Variants in TAX1BP1 observed in about 807,000 individuals in gnomAD.
The protein encoded by TAX1BP1 is Tax1 binding protein 1.
TAX1BP1 carries 62 observed loss-of-function variants against 97.7 expected under a neutral mutation model. That is an observed-to-expected ratio of 0.63 (90% CI 0.52 to 0.78). TAX1BP1 has a LOEUF of 0.78. Among genes scored for constraint, TAX1BP1 ranks in the 30% least tolerant of loss-of-function variants. TAX1BP1 has a pLI of 0.00. For missense variants in TAX1BP1, 867 were observed against 916.1 expected, an observed-to-expected ratio of 0.95 and a Z score of 0.69; for synonymous variants, 340 against 304.2, an observed-to-expected ratio of 1.12 and a Z score of -1.23.
At chr7:27,797,007 T>A (rs934110632) in intron 12 of TAX1BP1, among the ~76,000 whole-genome samples, 17 of 151,674 alleles carry the variant, frequency 1.1e-4, no homozygotes, top group Admixed American at 3.3e-4. Flanking sequence ...TTATTTTATT[T>A]TTTTTTTTGA....
intron 13 of TAX1BP1, among the ~76,000 whole-genome samples, chr7:27,809,349 C>A (rs1790464569): frequency 2.0e-5 from 3 of 152,102 alleles, no homozygotes; most frequent in Admixed American, 6.5e-5. Context: ...GGTACCACAA[C>A]CATTACTGTG....
chr7:27,813,258 G>T (rs1790631383), intron 13 of TAX1BP1, among the ~76,000 whole-genome samples: 1 of 150,016 alleles, frequency 6.7e-6, no homozygotes, highest in African/African-American at 2.4e-5. Context: ...CTCTTGGGCT[G>T]AAGTGATCCT....
chr7:27,791,058 T>A (rs1159321926), intron 8 of TAX1BP1, among the ~76,000 whole-genome samples: 1 of 152,146 alleles, frequency 6.6e-6, no homozygotes, highest in Non-Finnish European at 1.5e-5. Context: ...ATTATACCTT[T>A]CTTGAATATA....
chr7:27,767,480 T>C (rs577334678), intron 4 of TAX1BP1, among the ~76,000 whole-genome samples: 3 of 152,210 alleles, frequency 2.0e-5, no homozygotes, highest in African/African-American at 4.8e-5. Context: ...TATCTTTCCT[T>C]CCCCTTTACA....
At chr7:27,762,791 ATACCCCCAAAAT>A (rs997305290) in intron 3 of TAX1BP1, among the ~76,000 whole-genome samples, 1 of 152,118 alleles carries the variant, frequency 6.6e-6, no homozygotes, top group African/African-American at 2.4e-5. Context: ...TCTACAAAAA[ATACCCCCAAAAT>A]TAGCCAGGCA....
At chr7:27,817,569 A>C (rs1790825852) in intron 15 of TAX1BP1, among the ~76,000 whole-genome samples, 2 of 152,190 alleles carry the variant, frequency 1.3e-5, no homozygotes, top group Admixed American at 1.3e-4. Context: ...AGATGTCTTT[A>C]GTATTTAGGT....
At chr7:27,785,538 AC>A in intron 7 of TAX1BP1, 49 bp downstream of exon 7, 1 of 1,501,564 alleles carries the variant, frequency 6.7e-7, no homozygotes, top group Non-Finnish European at 9.1e-7. Context: ...AAAAGAAATG[AC>A]CCCAGAACTT....
intron 16 of TAX1BP1, 58 bp downstream of exon 16, chr7:27,827,878 G>A: frequency 1.3e-6 from 2 of 1,502,426 alleles, no homozygotes; most frequent in Non-Finnish European, 1.8e-6. Context: ...GTTCTCAAAG[G>A]TGGTCCTTGG....
chr7:27,764,649 C>T (rs1788552606), intron 3 of TAX1BP1, among the ~76,000 whole-genome samples: 1 of 151,986 alleles, frequency 6.6e-6, no homozygotes, highest in Admixed American at 6.6e-5. Context: ...TATCTTGTTT[C>T]TCCTCATATT....
chr7:27,807,884 G>A (rs1790402179), intron 13 of TAX1BP1, among the ~76,000 whole-genome samples: 1 of 151,922 alleles, frequency 6.6e-6, no homozygotes, highest in South Asian at 2.1e-4. Context: ...TCCCGTTTTA[G>A]TCAATGGATT....
chr7:27,809,170 T>C (rs757660849), intron 13 of TAX1BP1, among the ~76,000 whole-genome samples: 4 of 152,220 alleles, frequency 2.6e-5, no homozygotes, highest in Non-Finnish European at 4.4e-5. Context: ...AAAGGCTATT[T>C]TGAGATGGCT....
chr7:27,764,831 AT>A lies in TAX1BP1; in HGVS notation c.266-995del, dbSNP rs1041950796. Among the ~76,000 whole-genome samples, 45 of 150,062 alleles carry A rather than the reference AT, an allele frequency of 3.0e-4. 1 individual carries two copies. In the East Asian group the frequency reaches 8.2e-3, roughly 27 times the overall value. On this transcript the variant is annotated intron_variant, in intron 3 of 16. Transcript: ENST00000396319. The stretch of plus-strand genomic sequence containing the variant: ...TCTGTGAAATAAAGTCTAATACCAT[AT>A]TTTTTTTGTTACTTAAATTGTTTCA...
intron 13 of TAX1BP1, among the ~76,000 whole-genome samples, chr7:27,804,898 A>G (rs1001335179): frequency 2.0e-5 from 3 of 152,230 alleles, no homozygotes; most frequent in East Asian, 1.9e-4. Context: ...TTCATTATAC[A>G]TACCATAATT....
At chr7:27,818,461 A>C (rs1790860270) in intron 15 of TAX1BP1, among the ~76,000 whole-genome samples, 3 of 152,182 alleles carry the variant, frequency 2.0e-5, no homozygotes, top group Non-Finnish European at 2.9e-5. Flanking sequence ...GAATATGGAA[A>C]GCAAATTTGA....
At chr7:27,740,398 C>T (rs970873229) in intron 1 of TAX1BP1, 129 bp downstream of exon 1, 1 of 153,040 alleles carries the variant, frequency 6.5e-6, no homozygotes, top group African/African-American at 2.4e-5. Context: ...GGAGAGGTCT[C>T]TGTGGTGACG....
At chr7:27,752,251 A>G (rs772095972) in intron 2 of TAX1BP1, among the ~76,000 whole-genome samples, 1 of 152,238 alleles carries the variant, frequency 6.6e-6, no homozygotes, top group Non-Finnish European at 1.5e-5. Flanking sequence ...ATTGAATTAG[A>G]ACTGGCACTC....
At chr7:27,780,443 A>G (rs1486207862) in intron 5 of TAX1BP1, among the ~76,000 whole-genome samples, 1 of 152,092 alleles carries the variant, frequency 6.6e-6, no homozygotes, top group African/African-American at 2.4e-5. Flanking sequence ...GTCGTTCCTA[A>G]TTCTTAGGCC....
At chr7:27,741,294 T>A (rs1054804062) in intron 1 of TAX1BP1, among the ~76,000 whole-genome samples, 1 of 141,604 alleles carries the variant, frequency 7.1e-6, no homozygotes, top group Admixed American at 7.4e-5. Context: ...GAATAGAAAC[T>A]AAAAGTGGGT....
At chr7:27,785,796 G>C (rs1351356850) in intron 7 of TAX1BP1, among the ~76,000 whole-genome samples, 2 of 152,146 alleles carry the variant, frequency 1.3e-5, no homozygotes, top group East Asian at 3.8e-4. Context: ...GCTTCTCTCA[G>C]AGTGAGTGAT....
Sources: gnomAD v4.1 joint callset for allele counts (sites outside exome capture counted in the v4.1 genomes callset) on GRCh38, gnomAD v4.1.1 for gene constraint, MANE v1.5 for transcripts, NCBI Gene and HGNC (gene_info 2026-07-23, HGNC 2026-07-21) for gene names.